DACH2: variants seen among roughly 807,000 people sequenced by gnomAD.
DACH2 encodes the protein dachshund homolog 2.
A neutral mutation model predicts 35.8 loss-of-function variants in DACH2; 17 were observed. The observed-to-expected ratio is 0.48, with a 90% CI of 0.33 to 0.71. The LOEUF (loss-of-function observed/expected upper bound fraction) is 0.71, where lower values mean the gene tolerates loss of function less well. Among genes scored for constraint, DACH2 ranks in the 30% least tolerant of loss-of-function variants. The pLI, the probability that DACH2 is intolerant of heterozygous loss-of-function variation, is 0.02. For missense variants in DACH2, 469 were observed against 472.7 expected (o/e 0.99, Z 0.07); for synonymous variants, 195 against 177.3 (o/e 1.10, Z -0.79).
intron 3 of DACH2, among the ~76,000 whole-genome samples, chrX:86,581,873 A>T (rs1246515775): frequency 9.0e-6 from 1 of 111,373 alleles, no homozygotes; most frequent in Non-Finnish European, 1.9e-5. Flanking sequence ...CCTGAACTCA[A>T]CACTTGACCA....
chrX:86,294,740 AG>A (rs2034404035), intron 1 of DACH2, among the ~76,000 whole-genome samples: 1 of 110,213 alleles, frequency 9.1e-6, no homozygotes, highest in South Asian at 3.9e-4. Flanking sequence ...CTCAGGGGTC[AG>A]GGGTCAGGGA....
rs767152609 is a variant in DACH2 at position 86,698,521 on chromosome X, G to GTTTTTTTTTTTTTTTTTTTTTTTTTT, written c.931+3344_931+3369dup. 1.1e-3 allele frequency among the ~76,000 whole-genome samples: 36 copies of GTTTTTTTTTTTTTTTTTTTTTTTTTT among 32,955 alleles called. 10 individuals carry two copies. The highest frequency in any genetic ancestry group is 5.2e-3 in the East Asian group (3 of 579). The allele number at this position is 32,955 out of a possible 115,157, so 28.6% of individuals were successfully genotyped here. A position where few individuals can be genotyped will look rare whatever the true frequency, so the allele number is the denominator to read the frequency against. On this transcript the variant is annotated intron_variant, in intron 5 of 11. Transcript: ENST00000373125. ...CTTCTTTTTGTTTTGTTAGTTTTGT[G>GTTTTTTTTTTTTTTTTTTTTTTTTTT]TTTTTTTTTTTTTTTTTTTTTTTTT...
At chrX:86,638,880 C>A (rs749249283) in intron 3 of DACH2, among the ~76,000 whole-genome samples, 2 of 111,947 alleles carry the variant, frequency 1.8e-5, no homozygotes, top group Non-Finnish European at 3.8e-5. Flanking sequence ...AATAGAACTA[C>A]CATTCAATCC....
intron 1 of DACH2, among the ~76,000 whole-genome samples, chrX:86,341,401 G>A (rs187374792): frequency 9.0e-6 from 1 of 111,538 alleles, no homozygotes; most frequent in African/African-American, 3.3e-5. Flanking sequence ...TTTACAGCAC[G>A]GCTTAATAAA....
At chrX:86,654,287 A>G (rs764186727) in intron 4 of DACH2, among the ~76,000 whole-genome samples, 9 of 108,414 alleles carry the variant, frequency 8.3e-5, no homozygotes, top group Non-Finnish European at 1.7e-4. Context: ...ATAATGTGAT[A>G]GGTAAATTGG....
intron 1 of DACH2, among the ~76,000 whole-genome samples, chrX:86,251,951 C>G (rs1338811892): frequency 3.6e-5 from 4 of 111,738 alleles, no homozygotes; most frequent in African/African-American, 9.7e-5. Flanking sequence ...AGTTTACATT[C>G]CCATCAGCAG....
chrX:86,358,434 CACA>C (rs1569362116), intron 1 of DACH2, among the ~76,000 whole-genome samples: 38 of 13,472 alleles, frequency 2.8e-3, no homozygotes, highest in African/African-American at 0.021. Context: ...AGCCCCGCCA[CACA>C]CACACACACA....
At chrX:86,470,343 G>A (rs1302206551) in intron 2 of DACH2, among the ~76,000 whole-genome samples, 1 of 111,723 alleles carries the variant, frequency 9.0e-6, no homozygotes, top group African/African-American at 3.2e-5. Context: ...ATATGATAGA[G>A]TTTTACAATG....
chrX:86,769,939 A>G (rs2041971528), intron 7 of DACH2, among the ~76,000 whole-genome samples: 1 of 108,429 alleles, frequency 9.2e-6, no homozygotes, highest in Non-Finnish European at 1.9e-5. Context: ...AGGCGGGAGG[A>G]TTGTCTGAGC....
intron 7 of DACH2, among the ~76,000 whole-genome samples, chrX:86,757,641 T>C (rs1289349567): frequency 9.0e-6 from 1 of 111,545 alleles, no homozygotes; most frequent in Non-Finnish European, 1.9e-5. Context: ...GGGGTGGACT[T>C]CTCCCTTGCT....
At chrX:86,769,024 A>G (rs1015394420) in intron 7 of DACH2, among the ~76,000 whole-genome samples, 12 of 111,445 alleles carry the variant, frequency 1.1e-4, no homozygotes, top group African/African-American at 3.3e-5. Flanking sequence ...ATGCAAATCA[A>G]TAATTTGATT....
intron 1 of DACH2, among the ~76,000 whole-genome samples, chrX:86,152,014 A>G (rs1326794066): frequency 6.3e-5 from 7 of 111,567 alleles, no homozygotes; most frequent in Non-Finnish European, 1.3e-4. Context: ...GTCCTTCAGG[A>G]CTCATGACTT....
At chrX:86,328,004 C>A (rs1230474231) in intron 1 of DACH2, among the ~76,000 whole-genome samples, 4 of 111,669 alleles carry the variant, frequency 3.6e-5, no homozygotes, top group African/African-American at 6.5e-5. Context: ...ACCATTACTG[C>A]AATACTTGTT....
intron 1 of DACH2, among the ~76,000 whole-genome samples, chrX:86,194,043 T>C (rs1256729195): frequency 9.0e-6 from 1 of 110,540 alleles, no homozygotes; most frequent in Non-Finnish European, 1.9e-5. Flanking sequence ...GTAACCTCTC[T>C]ATATATATCA....
At chrX:86,763,666 A>C (rs1203714972) in intron 7 of DACH2, among the ~76,000 whole-genome samples, 2 of 110,754 alleles carry the variant, frequency 1.8e-5, no homozygotes, top group African/African-American at 6.6e-5. Flanking sequence ...GTTAGCCAGG[A>C]TGGTCTCGAT....
At chrX:86,777,055 C>T (rs1323884346) in intron 7 of DACH2, among the ~76,000 whole-genome samples, 2 of 111,488 alleles carry the variant, frequency 1.8e-5, no homozygotes, top group Non-Finnish European at 3.8e-5. Flanking sequence ...CATACGTGTG[C>T]ATGTGTCTTT....
intron 2 of DACH2, among the ~76,000 whole-genome samples, chrX:86,386,792 G>C (rs1307862866): frequency 9.0e-6 from 1 of 110,695 alleles, no homozygotes; most frequent in African/African-American, 3.3e-5. Context: ...TATATTTCCT[G>C]CTCCAGTCCT....
intron 1 of DACH2, among the ~76,000 whole-genome samples, chrX:86,250,412 A>G (rs1388605537): frequency 9.0e-6 from 1 of 111,248 alleles, no homozygotes; most frequent in Non-Finnish European, 1.9e-5. Flanking sequence ...GAATTTCAAT[A>G]TGTGCCTATT....
intron 1 of DACH2, among the ~76,000 whole-genome samples, chrX:86,200,386 A>T (rs1404189711): frequency 3.6e-5 from 4 of 111,426 alleles, no homozygotes; most frequent in Non-Finnish European, 7.5e-5. Context: ...CAAAGATTTT[A>T]TGCCAAAGAT....
Sources: gnomAD v4.1 joint callset for allele counts (sites outside exome capture counted in the v4.1 genomes callset) on GRCh38, gnomAD v4.1.1 for gene constraint, MANE v1.5 for transcripts, NCBI Gene and HGNC (gene_info 2026-07-23, HGNC 2026-07-21) for gene names.